HS3ST3A1: variants seen among roughly 807,000 people sequenced by gnomAD.
HS3ST3A1 encodes heparan sulfate-glucosamine 3-sulfotransferase 3A1.
In HS3ST3A1, 19 loss-of-function variants were observed where a neutral mutation model predicts 25.7. The ratio of observed to expected loss-of-function variants is 0.74; its 90% CI spans 0.52 to 1.08. The LOEUF (loss-of-function observed/expected upper bound fraction) is 1.08. HS3ST3A1 is among the 50% of genes least tolerant of loss of function. The pLI, the probability that HS3ST3A1 is intolerant of heterozygous loss-of-function variation, is 0.00. For missense variants in HS3ST3A1, 459 were observed against 594.3 expected (o/e 0.77, Z 2.37); for synonymous variants, 226 against 278.6 (o/e 0.81, Z 1.88).
intron 1 of HS3ST3A1, among the ~76,000 whole-genome samples, chr17:13,546,625 T>G (rs1305602669): frequency 6.6e-6 from 1 of 152,216 alleles, no homozygotes; most frequent in African/African-American, 2.4e-5. Context: ...GATTTCCCTA[T>G]GGAAATGGCA....
At chr17:13,550,362 G>C (rs1434782790) in intron 1 of HS3ST3A1, among the ~76,000 whole-genome samples, 1 of 152,034 alleles carries the variant, frequency 6.6e-6, no homozygotes, top group Non-Finnish European at 1.5e-5. Flanking sequence ...ATGACCTCTG[G>C]CCAAGGAAAT....
At chr17:13,598,757 T>C (rs1908647209) in intron 1 of HS3ST3A1, among the ~76,000 whole-genome samples, 1 of 152,052 alleles carries the variant, frequency 6.6e-6, no homozygotes, top group Non-Finnish European at 1.5e-5. Flanking sequence ...GAAAGGTCCA[T>C]GGAAAATAAG....
chr17:13,555,952 C>T (rs576373377), intron 1 of HS3ST3A1: 4 of 152,138 alleles, frequency 2.6e-5, no homozygotes, highest in African/African-American at 2.4e-5. Context: ...CCTTTGGTTT[C>T]GTTAGATTTC....
intron 1 of HS3ST3A1, among the ~76,000 whole-genome samples, chr17:13,538,061 C>T (rs138205407): frequency 8.5e-5 from 13 of 152,298 alleles, no homozygotes; most frequent in South Asian, 6.2e-4. Flanking sequence ...TATTAAGAAA[C>T]ATCTATTTGG....
chr17:13,594,117 T>A (rs191213807), intron 1 of HS3ST3A1, among the ~76,000 whole-genome samples: 1 of 152,306 alleles, frequency 6.6e-6, no homozygotes, highest in Admixed American at 6.5e-5. Context: ...AGGGCTATAC[T>A]GGGGTTACGG....
chr17:13,551,089 C>G (rs913700241), intron 1 of HS3ST3A1, among the ~76,000 whole-genome samples: 13 of 130,224 alleles, frequency 1.0e-4, no homozygotes, highest in Middle Eastern at 4.5e-3. Flanking sequence ...AAAATGAAAT[C>G]AATTCAAAAA....
Position 13,528,050 on chromosome 17 carries a change from C to T in HS3ST3A1, c.600-31232G>A, listed in dbSNP as rs537118211. 7.2e-5 allele frequency among the ~76,000 whole-genome samples: 11 copies of T among 152,184 alleles called. No homozygotes were observed. The South Asian group carries it at 1.9e-3, about 26-fold the overall frequency. On this transcript the variant is annotated intron_variant, in intron 1 of 1. Coordinates refer to ENST00000284110, the MANE Select transcript of HS3ST3A1 (RefSeq NM_006042.3). ...GTGGCCAGATACATGTATACTGATC[C>T]GTGTCATCGGAAAGAAGGAGGGGAT...
intron 1 of HS3ST3A1, among the ~76,000 whole-genome samples, chr17:13,569,136 G>A (rs1297157358): frequency 6.6e-6 from 1 of 152,084 alleles, no homozygotes; most frequent in Non-Finnish European, 1.5e-5. Context: ...TGCAGGCAGT[G>A]GCCAAATTCC....
At chr17:13,553,974 C>A (rs1444044916) in intron 1 of HS3ST3A1, among the ~76,000 whole-genome samples, 5 of 151,984 alleles carry the variant, frequency 3.3e-5, no homozygotes, top group Non-Finnish European at 7.4e-5. Context: ...AATAATTGTC[C>A]TATAAAAACT....
chr17:13,594,409 G>A (rs1374034073), intron 1 of HS3ST3A1, among the ~76,000 whole-genome samples: 4 of 152,192 alleles, frequency 2.6e-5, no homozygotes, highest in Non-Finnish European at 4.4e-5. Context: ...GCTGTCCCGT[G>A]TGTGGTGGAC....
At chr17:13,532,222 C>T (rs999281107) in intron 1 of HS3ST3A1, among the ~76,000 whole-genome samples, 4 of 152,180 alleles carry the variant, frequency 2.6e-5, no homozygotes, top group African/African-American at 9.7e-5. Context: ...ATCTTCTACA[C>T]ATCTCTTATG....
At chr17:13,575,605 C>T (rs1192733855) in intron 1 of HS3ST3A1, among the ~76,000 whole-genome samples, 1 of 152,128 alleles carries the variant, frequency 6.6e-6, no homozygotes, top group Non-Finnish European at 1.5e-5. Context: ...TCTGAGGTTC[C>T]CAGATAGCAC....
chr17:13,518,769 T>C (rs1906132440), intron 1 of HS3ST3A1, among the ~76,000 whole-genome samples: 2 of 152,294 alleles, frequency 1.3e-5, no homozygotes, highest in South Asian at 2.1e-4. Context: ...AAGCCCTCCC[T>C]AGGTCAGCCT....
In HS3ST3A1 at chr17:13,518,529, C is replaced by T. The variant is rs540327975; in HGVS notation, c.600-21711G>A. ...CAATTCTTCATTCCTCTCTTTATCC[C>T]TGCCATTTGCCATGGACTTTCTAGT... On this transcript the variant is annotated intron_variant, in intron 1 of 1. Transcript: ENST00000284110. Among the ~76,000 whole-genome samples, 26 of 152,302 alleles carry T rather than the reference C, an allele frequency of 1.7e-4. No homozygotes were observed. The South Asian group carries it at 5.4e-3, about 32-fold the overall frequency.
chr17:13,563,428 G>A (rs187836999), intron 1 of HS3ST3A1, among the ~76,000 whole-genome samples: 6 of 152,280 alleles, frequency 3.9e-5, no homozygotes, highest in African/African-American at 1.4e-4. Context: ...TCTGCAGGAG[G>A]ACCTATGCCA....
intron 1 of HS3ST3A1, among the ~76,000 whole-genome samples, chr17:13,534,724 G>C (rs917904964): frequency 6.6e-6 from 1 of 151,828 alleles, no homozygotes; most frequent in Non-Finnish European, 1.5e-5. Flanking sequence ...GTGACACCCT[G>C]TCTCAAAAAA....
At chr17:13,537,344 G>A (rs562665743) in intron 1 of HS3ST3A1, among the ~76,000 whole-genome samples, 8 of 152,314 alleles carry the variant, frequency 5.3e-5, no homozygotes, top group Non-Finnish European at 8.8e-5. Flanking sequence ...GAGAAATAAA[G>A]CAATCTTATA....
intron 1 of HS3ST3A1, among the ~76,000 whole-genome samples, chr17:13,500,085 T>C (rs1193089712): frequency 6.6e-6 from 1 of 152,138 alleles, no homozygotes; most frequent in Non-Finnish European, 1.5e-5. Context: ...AACAAGTCAA[T>C]GAAGGGGATA....
chr17:13,572,471 C>CG (rs1021477843), intron 1 of HS3ST3A1, among the ~76,000 whole-genome samples: 1 of 152,052 alleles, frequency 6.6e-6, no homozygotes, highest in Non-Finnish European at 1.5e-5. Flanking sequence ...TAGAGAAAGT[C>CG]GGGGTGCTAA....
Sources: gnomAD v4.1 joint callset for allele counts (sites outside exome capture counted in the v4.1 genomes callset) on GRCh38, gnomAD v4.1.1 for gene constraint, MANE v1.5 for transcripts, NCBI Gene and HGNC (gene_info 2026-07-23, HGNC 2026-07-21) for gene names.